TENT4B: variants seen among roughly 807,000 people sequenced by gnomAD.
TENT4B encodes the protein terminal nucleotidyltransferase 4B.
In TENT4B, 10 loss-of-function variants were observed where a neutral mutation model predicts 75.0. The observed-to-expected ratio is 0.13, with a 90% CI of 0.08 to 0.23. TENT4B has a LOEUF of 0.23. Among genes scored for constraint, TENT4B ranks in the 10% least tolerant of loss-of-function variants. The probability of loss-of-function intolerance (pLI) is 1.00; values close to 1 mark genes in which losing one functional copy is unlikely to be tolerated. For synonymous variants in TENT4B, 350 were observed against 357.7 expected, an observed-to-expected ratio of 0.98 and a Z score of 0.24; for missense variants, 579 against 893.8, an observed-to-expected ratio of 0.65 and a Z score of 4.49.
At position 50,153,841 on chromosome 16, in the gene TENT4B, T is replaced by C. The variant is rs1334231262; in HGVS notation, c.220T>C (p.Ser74Pro). ...CACCGGCAGCCCCGGCGGCGCGGCC[T>C]CGGCCCCGGCCCCGGCCCCGGCCGG... ...SSTGSPGGAA[S>P]APAPAPAGMY... The change falls in exon 1 of 12, where the codon TCG becomes CCG. Residue 74 changes from serine to proline, a missense_variant. Transcript: ENST00000561678. 2 of 1,273,328 alleles carry C rather than the reference T, an allele frequency of 1.6e-6. No individual in the cohort carries two copies. The highest frequency in any genetic ancestry group is 8.4e-5 in the Admixed American group (2 of 23,950). The allele number at this position is 1,273,328 out of a possible 1,614,324, so 78.9% of individuals were successfully genotyped here.
intron 1 of TENT4B, among the ~76,000 whole-genome samples, chr16:50,200,826 A>C: frequency 6.6e-6 from 1 of 150,634 alleles, no homozygotes; most frequent in Admixed American, 6.6e-5. Context: ...ACAAGTTCTC[A>C]CTCTGTTGCC....
chr16:50,226,129 A>G (rs1040487053), intron 10 of TENT4B, among the ~76,000 whole-genome samples: 3 of 151,312 alleles, frequency 2.0e-5, no homozygotes, highest in African/African-American at 7.3e-5. Flanking sequence ...CCTCCTGAGT[A>G]TCTAGGATTA....
At chr16:50,223,041 C>T in intron 6 of TENT4B, 133 bp from the exon 7 acceptor site, 1 of 651,702 alleles carries the variant, frequency 1.5e-6, no homozygotes, top group Non-Finnish European at 2.6e-6. Context: ...TGCTGTTAGC[C>T]CATTATCAAC....
chr16:50,208,297 C>A (rs2031096014), intron 1 of TENT4B, among the ~76,000 whole-genome samples: 1 of 152,154 alleles, frequency 6.6e-6, no homozygotes, highest in Non-Finnish European at 1.5e-5. Flanking sequence ...GTCTTCAGAG[C>A]CTGTCTTATA....
rs550153808 is a variant in TENT4B at position 50,200,370 on chromosome 16, A to G, written c.639-10953A>G. Among the ~76,000 whole-genome samples, 3 of 152,172 alleles carry G rather than the reference A, an allele frequency of 2.0e-5. No individual in the cohort carries two copies. The South Asian group carries it at 6.2e-4, about 32-fold the overall frequency. On this transcript the variant is annotated intron_variant, in intron 1 of 11. Transcript: ENST00000561678. ...GACAAAGCAAGACCCTGACTTAAAAAAAAAAAGAGAAAAGAAAAAAAGATG... is the reference window on the plus strand; with the variant it reads ...GACAAAGCAAGACCCTGACTTAAAAGAAAAAAGAGAAAAGAAAAAAAGATG...
chr16:50,222,475 CA>C, intron 6 of TENT4B, 41 bp downstream of exon 6: 1 of 1,581,526 alleles, frequency 6.3e-7, no homozygotes, highest in Non-Finnish European at 8.5e-7. Flanking sequence ...ACACTAAAAG[CA>C]AAAGTGATCA....
At chr16:50,187,225 A>G (rs2038546164) in intron 1 of TENT4B, among the ~76,000 whole-genome samples, 1 of 152,102 alleles carries the variant, frequency 6.6e-6, no homozygotes, top group South Asian at 2.1e-4. Flanking sequence ...CAGTTTTATG[A>G]TTTTAGCTCC....
At chr16:50,182,645 A>G (rs1302198534) in intron 1 of TENT4B, among the ~76,000 whole-genome samples, 11 of 152,136 alleles carry the variant, frequency 7.2e-5, no homozygotes, top group Admixed American at 6.6e-4. Flanking sequence ...GAACATGCCA[A>G]GGTTTACTTA....
rs7203951 is a variant in TENT4B at position 50,229,851 on chromosome 16, G to A, written c.*523G>A. 880,388 of 907,438 alleles carry A rather than the reference G, an allele frequency of 0.97. 427,101 individuals carry two copies. The highest frequency in any genetic ancestry group is 0.99 in the East Asian group (8,372 of 8,444). 56.2% of individuals were successfully genotyped at this position (907,438 alleles called of 1,614,324 possible). The stretch of plus-strand genomic sequence containing the variant: ...TGTATATATAGAAGACCATATAGGA[G>A]ATTGATATTTGTAATAGTGGATTTG... On this transcript the variant is annotated 3_prime_UTR_variant, in exon 12 of 12. Coordinates refer to ENST00000561678, the MANE Select transcript of TENT4B (RefSeq NM_001365324.3).
At chr16:50,205,112 T>G (rs2030873739) in intron 1 of TENT4B, among the ~76,000 whole-genome samples, 1 of 152,218 alleles carries the variant, frequency 6.6e-6, no homozygotes, top group African/African-American at 2.4e-5. Context: ...CAGTGGTAAT[T>G]AACATGTATG....
chr16:50,182,783 A>G (rs2038439869), intron 1 of TENT4B, among the ~76,000 whole-genome samples: 1 of 151,084 alleles, frequency 6.6e-6, no homozygotes, highest in African/African-American at 2.4e-5. Context: ...CCTCAAAATA[A>G]GATTGCTGAG....
chr16:50,211,411 G>A lies in TENT4B; in HGVS notation c.727G>A (p.Glu243Lys), dbSNP rs978564621. ...GCGGATGGAGGTGGTGAACAGGATC[G>A]AGAGTGTAATTAAGGAGCTCTGGCC... ...KMRMEVVNRI[E>K]SVIKELWPSA... Residue 243 changes from glutamate to lysine, a missense_variant, in exon 2 of 12, where the codon GAG becomes AAG. Glu to Lys is a moderately conservative substitution (Grantham distance 56). Around this residue, in one of 7 missense-constraint regions of TENT4B, gnomAD observed 18 missense variants for 23.9 expected, o/e 0.75. Coordinates refer to ENST00000561678, the MANE Select transcript of TENT4B (RefSeq NM_001365324.3). 1 of 1,606,326 alleles carries A rather than the reference G, an allele frequency of 6.2e-7. No homozygotes were observed. The highest frequency in any genetic ancestry group is 8.5e-7 in the Non-Finnish European group (1 of 1,178,142).
chr16:50,163,591 G>A (rs1045445887), intron 1 of TENT4B, among the ~76,000 whole-genome samples: 1 of 150,922 alleles, frequency 6.6e-6, no homozygotes, highest in Non-Finnish European at 1.5e-5. Context: ...AGTAGAGACG[G>A]GGTTTCACTG....
chr16:50,168,648 A>G (rs940895501), intron 1 of TENT4B, among the ~76,000 whole-genome samples: 3 of 148,464 alleles, frequency 2.0e-5, no homozygotes, highest in African/African-American at 7.5e-5. Flanking sequence ...TCCATATCAC[A>G]TAATTTCTTT....
chr16:50,171,917 G>A (rs1434564749), intron 1 of TENT4B, among the ~76,000 whole-genome samples: 4 of 151,892 alleles, frequency 2.6e-5, no homozygotes, highest in Admixed American at 6.6e-5. Context: ...GTGAGCTAAC[G>A]CAGCAGAGGT....
chr16:50,182,081 A>G (rs1355123669), intron 1 of TENT4B, among the ~76,000 whole-genome samples: 1 of 152,124 alleles, frequency 6.6e-6, no homozygotes, highest in Non-Finnish European at 1.5e-5. Context: ...AGCCTAGGCA[A>G]CATGGTGAAA....
At chr16:50,224,412 A>G (rs983516048) in intron 7 of TENT4B, among the ~76,000 whole-genome samples, 1 of 152,192 alleles carries the variant, frequency 6.6e-6, no homozygotes, top group Non-Finnish European at 1.5e-5. Context: ...CTGTTTATGT[A>G]TGGAATGGGA....
intron 4 of TENT4B, 43 bp downstream of exon 4, chr16:50,216,238 C>T (rs778389885): frequency 1.3e-5 from 21 of 1,606,110 alleles, no homozygotes; most frequent in Non-Finnish European, 1.7e-5. Flanking sequence ...TAGTTATTTA[C>T]CTATGAAACT....
At chr16:50,202,440 A>G (rs1426966478) in intron 1 of TENT4B, among the ~76,000 whole-genome samples, 4 of 152,240 alleles carry the variant, frequency 2.6e-5, no homozygotes, top group East Asian at 3.8e-4. Context: ...GAATATAACA[A>G]ACTTTTTATT....
Sources: gnomAD v4.1 joint callset for allele counts (sites outside exome capture counted in the v4.1 genomes callset) on GRCh38, gnomAD v4.1.1 for gene constraint, gnomAD v4.1.1 regional missense constraint, MANE v1.5 for transcripts, NCBI Gene and HGNC (gene_info 2026-07-23, HGNC 2026-07-21) for gene names.